The following TMCO6 variants were observed in gnomAD, a reference collection of about 807,000 sequenced individuals.
The protein encoded by TMCO6 is transmembrane and coiled-coil domains 6.
In TMCO6, 47 loss-of-function variants were observed where a neutral mutation model predicts 61.8. The ratio of observed to expected loss-of-function variants is 0.76; its 90% CI spans 0.60 to 0.97. The LOEUF is 0.97. Ranked by LOEUF, TMCO6 falls within the 50% of genes least tolerant of loss-of-function variation. The pLI, the probability that TMCO6 is intolerant of heterozygous loss-of-function variation, is 0.00. For missense variants in TMCO6, 557 were observed against 601.6 expected (o/e 0.93, Z 0.78); for synonymous variants, 261 against 254.2 (o/e 1.03, Z -0.25).
chr5:140,628,891 C>T, the TMCO6 span, among the ~76,000 whole-genome samples: 29,223 of 152,118 alleles, frequency 0.19, 3,372 homozygotes, highest in East Asian at 0.3. Context: ...AAGTTACTAA[C>T]GAGCTAGTAG....
At chr5:140,630,902 C>G in the TMCO6 span, among the ~76,000 whole-genome samples, 4 of 152,138 alleles carry the variant, frequency 2.6e-5, no homozygotes, top group Non-Finnish European at 5.9e-5. Context: ...GCATCTAGCT[C>G]TCTGATGGAT....
chr5:140,639,923 T>G (rs996390111), intron 2 of TMCO6, 72 bp downstream of exon 2: 17 of 1,354,550 alleles, frequency 1.3e-5, no homozygotes, highest in African/African-American at 4.3e-5. Context: ...ACTCGAGGTC[T>G]GCCCCAAACC....
the TMCO6 span, among the ~76,000 whole-genome samples, chr5:140,608,333 T>C: frequency 2.6e-5 from 4 of 152,200 alleles, no homozygotes; most frequent in Non-Finnish European, 5.9e-5. Flanking sequence ...CCTTTTCCCA[T>C]ATTTTTACTT....
chr5:140,598,584 A>G, the TMCO6 span, among the ~76,000 whole-genome samples: 140 of 152,294 alleles, frequency 9.2e-4, no homozygotes, highest in African/African-American at 3.1e-3. Context: ...CAATAATTTA[A>G]TAGTATTTTC....
chr5:140,645,391 T>C lies in TMCO6; in HGVS notation c.*293T>C, dbSNP rs1454589237. 2 of 812,304 alleles carry C rather than the reference T, an allele frequency of 2.5e-6. No homozygotes were observed. The highest frequency in any genetic ancestry group is 4.1e-6 in the Non-Finnish European group (2 of 487,910). 50.3% of individuals were successfully genotyped at this position (812,304 alleles called of 1,614,324 possible). On this transcript the variant is annotated 3_prime_UTR_variant, in exon 12 of 12. Coordinates refer to ENST00000394671, the MANE Select transcript of TMCO6 (RefSeq NM_018502.5). ...CTTTTGATGAGACAGAATAAAGTTT[T>C]ATTTTTATATTAAGCTACTTTGCCT...
the TMCO6 span, among the ~76,000 whole-genome samples, chr5:140,621,300 A>G: frequency 6.6e-6 from 1 of 152,220 alleles, no homozygotes; most frequent in South Asian, 2.1e-4. Context: ...GTGACAGAAG[A>G]ACGTGGATTG....
At chr5:140,646,666 A>AT (rs1757418244), downstream of TMCO6, among the ~76,000 whole-genome samples, 1 of 152,192 alleles carries the variant, frequency 6.6e-6, no homozygotes, top group Admixed American at 6.5e-5. Context: ...ATACATTGCC[A>AT]TGCCAGTCTT....
Position 140,644,717 on chromosome 5 carries a change from C to T in TMCO6, c.1345C>T (p.Leu449=). The T allele has an allele frequency of 1.2e-6, 2 of 1,614,232 alleles. No homozygotes were observed. The highest frequency in any genetic ancestry group is 1.1e-5 in the South Asian group (1 of 91,086). Residue 449 remains leucine, a synonymous_variant, in exon 11 of 12, where the codon CTG becomes TTG. Coordinates refer to ENST00000394671, the MANE Select transcript of TMCO6 (RefSeq NM_018502.5). ...VVGQSLELLH[L]LFLYQPEAVQ... is the part of the protein sequence containing the mutation. ...AGGCCAGAGTTTGGAGCTGCTGCAT[C>T]TGCTGTTCCTGTATCAGCCAGAGGT...
chr5:140,641,511 C>A, intron 2 of TMCO6, 154 bp from the exon 3 acceptor site: 1 of 649,572 alleles, frequency 1.5e-6, no homozygotes, highest in Non-Finnish European at 2.7e-6. Context: ...TCTGTCCACT[C>A]CACTGCAAGG....
chr5:140,639,280 C>T (rs1273203308), upstream of TMCO6: 1 of 487,698 alleles, frequency 2.1e-6, no homozygotes, highest in Non-Finnish European at 3.7e-6. Context: ...GACAGGAAAT[C>T]AATCAGAGGC....
chr5:140,619,495 T>A, the TMCO6 span, among the ~76,000 whole-genome samples: 2 of 152,192 alleles, frequency 1.3e-5, no homozygotes, highest in African/African-American at 4.8e-5. Flanking sequence ...AGCATATTCT[T>A]TTCCTTTCAG....
At chr5:140,606,584 A>G in the TMCO6 span, among the ~76,000 whole-genome samples, 2 of 152,182 alleles carry the variant, frequency 1.3e-5, no homozygotes, top group Admixed American at 1.3e-4. Context: ...GTCAAACTTG[A>G]ACAGTATAAA....
At chr5:140,640,787 G>C (rs1230294498) in intron 2 of TMCO6, among the ~76,000 whole-genome samples, 1 of 152,192 alleles carries the variant, frequency 6.6e-6, no homozygotes, top group Admixed American at 6.5e-5. Context: ...GGAAAACCTA[G>C]ATCCTGTGTT....
chr5:140,643,538 G>A (rs1757182422), intron 7 of TMCO6, 26 bp from the exon 8 acceptor site: 4 of 1,599,912 alleles, frequency 2.5e-6, no homozygotes, highest in East Asian at 2.2e-5. Flanking sequence ...TATATACCTA[G>A]GGACTGCTTG....
At chr5:140,635,432 T>C (rs1756747414), upstream of TMCO6, among the ~76,000 whole-genome samples, 2 of 152,250 alleles carry the variant, frequency 1.3e-5, no homozygotes, top group African/African-American at 2.4e-5. Context: ...TCTTGATGAC[T>C]AGTCTTCTTT....
At chr5:140,599,568 CT>C in the TMCO6 span, among the ~76,000 whole-genome samples, 1 of 152,200 alleles carries the variant, frequency 6.6e-6, no homozygotes, top group Non-Finnish European at 1.5e-5. Context: ...CCAAGAAGCT[CT>C]TTGCTGTTTA....
downstream of TMCO6, chr5:140,647,193 CCTTCT>C (rs2149802770): frequency 6.7e-7 from 1 of 1,495,054 alleles, no homozygotes. Context: ...TTGGGCGGTC[CCTTCT>C]CTTCTCAAAC....
the TMCO6 span, among the ~76,000 whole-genome samples, chr5:140,625,511 A>C: frequency 1.3e-5 from 2 of 152,164 alleles, no homozygotes; most frequent in Admixed American, 6.5e-5. Context: ...AAGTCACCTC[A>C]TGTGAGGTCT....
the TMCO6 span, among the ~76,000 whole-genome samples, chr5:140,613,453 T>A: frequency 7.0e-6 from 1 of 143,566 alleles, no homozygotes; most frequent in South Asian, 2.2e-4. Context: ...TGGGGTGACA[T>A]CTGAGTTGAA....
Sources: gnomAD v4.1 joint callset for allele counts (sites outside exome capture counted in the v4.1 genomes callset) on GRCh38, gnomAD v4.1.1 for gene constraint, MANE v1.5 for transcripts, NCBI Gene and HGNC (gene_info 2026-07-23, HGNC 2026-07-21) for gene names.